The following ANAPC16 variants were observed in gnomAD, a reference collection of about 807,000 sequenced individuals.
ANAPC16 encodes anaphase promoting complex subunit 16, also known as anaphase-promoting complex subunit 16.
In ANAPC16, 6 loss-of-function variants were observed where a neutral mutation model predicts 13.1. The observed-to-expected ratio is 0.46, with a 90% confidence interval of 0.25 to 0.90. ANAPC16 has a LOEUF of 0.90. Ranked by LOEUF, ANAPC16 falls within the 40% of genes least tolerant of loss-of-function variation. The pLI is 0.18. For synonymous variants in ANAPC16, 55 were observed against 51.3 expected (o/e 1.07, Z -0.31); for missense variants, 113 against 131.1 (o/e 0.86, Z 0.67).
At chr10:72,227,074 C>A (rs1253292595) in intron 2 of ANAPC16, among the ~76,000 whole-genome samples, 5 of 151,982 alleles carry the variant, frequency 3.3e-5, no homozygotes, top group Admixed American at 6.6e-5. Context: ...CAAAACAAAT[C>A]AAAAATGGGA....
At chr10:72,217,019 G>A (rs1564786624) in intron 1 of ANAPC16, 1 of 454,668 alleles carries the variant, frequency 2.2e-6, no homozygotes, top group Non-Finnish European at 4.4e-6. Flanking sequence ...CCTTTGCTGA[G>A]CTGCTCGCCC....
chr10:72,218,430 C>T (rs982990550), intron 1 of ANAPC16, among the ~76,000 whole-genome samples: 1 of 151,674 alleles, frequency 6.6e-6, no homozygotes, highest in Non-Finnish European at 1.5e-5. Flanking sequence ...TGCTGCTTTA[C>T]GTTGCACATG....
intron 1 of ANAPC16, chr10:72,220,416 C>G (rs142660029): frequency 6.6e-6 from 1 of 151,426 alleles, no homozygotes; most frequent in East Asian, 1.9e-4. Context: ...TTTGGGAGGC[C>G]AGGGTGGGAG....
intron 2 of ANAPC16, among the ~76,000 whole-genome samples, chr10:72,225,774 T>C (rs1860101160): frequency 6.6e-6 from 1 of 151,516 alleles, no homozygotes; most frequent in African/African-American, 2.4e-5. Context: ...TGGTGGCGCA[T>C]GCCTGTAGTC....
At position 72,233,055 on chromosome 10, in the gene ANAPC16, C is replaced by A. The variant is rs747296126; in HGVS notation, c.272C>A (p.Ala91Asp). The A allele has an allele frequency of 6.2e-7, 1 of 1,614,100 alleles. No individual in the cohort carries two copies. ...GCTGGTTTGGTAGAAGAGCTGGAGG[C>A]TGACGAGTGGCGGTTTAAGCCCATC... Reference protein sequence around the residue: ...KLAGLVEELEADEWRFKPIEQ... With the variant: ...KLAGLVEELEDDEWRFKPIEQ... Residue 91 changes from alanine (A) to aspartate (D), a missense_variant, in exon 4 of 4, where the codon GCT becomes GAT. Transcript: ENST00000299381.
intron 1 of ANAPC16, chr10:72,216,787 C>T (rs1226284526): frequency 1.1e-5 from 5 of 456,012 alleles, no homozygotes; most frequent in African/African-American, 2.0e-5. Context: ...TCGTTACTCT[C>T]CTGTGAGGAT....
chr10:72,226,862 A>G (rs1360956060), intron 2 of ANAPC16, among the ~76,000 whole-genome samples: 3 of 152,166 alleles, frequency 2.0e-5, no homozygotes, highest in Non-Finnish European at 4.4e-5. Flanking sequence ...ATGACCAGGT[A>G]GCATATGTAA....
At chr10:72,220,851 A>G (rs1859903759) in intron 1 of ANAPC16, 1 of 127,858 alleles carries the variant, frequency 7.8e-6, no homozygotes, top group African/African-American at 3.7e-5. Context: ...GACTGGCCAG[A>G]AAAAAAAAAA....
chr10:72,218,833 G>T (rs1052606003), intron 1 of ANAPC16, among the ~76,000 whole-genome samples: 4 of 152,206 alleles, frequency 2.6e-5, no homozygotes, highest in African/African-American at 7.2e-5. Context: ...CTTATTTAAA[G>T]TTAGCTTTAT....
Position 72,216,063 on chromosome 10 carries a change from C to G in ANAPC16, c.-103C>G, listed in dbSNP as rs765798995. The stretch of plus-strand genomic sequence containing the variant: ...TGTTGGGGGGCGAACACGCCGCGGT[C>G]CTCGTCGTGGTGAGCGCAGCCACTC... On this transcript the variant is annotated 5_prime_UTR_variant, in exon 1 of 4. Coordinates refer to ENST00000299381, the MANE Select transcript of ANAPC16 (RefSeq NM_173473.4). 2 of 152,344 alleles carry G rather than the reference C, an allele frequency of 1.3e-5. No homozygotes were observed. Among genetic ancestry groups the G allele is most frequent in the African/African-American group, 2.4e-5 (1 of 41,460 alleles). The allele number at this position is 152,344 out of a possible 1,614,324, so 9.4% of individuals were successfully genotyped here. A position where few individuals can be genotyped will look rare whatever the true frequency, so the allele number is the denominator to read the frequency against.
chr10:72,223,766 C>A (rs11000226), intron 1 of ANAPC16, 122 bp from the exon 2 acceptor site: 1 of 696,220 alleles, frequency 1.4e-6, no homozygotes, highest in Non-Finnish European at 2.2e-6. Context: ...AAGTAGAGAG[C>A]ATAGAAAAAA....
chr10:72,232,186 CAAAAAAAAAAAAAA>C (rs1194817055), intron 3 of ANAPC16, among the ~76,000 whole-genome samples: 1 of 43,920 alleles, frequency 2.3e-5, no homozygotes, highest in East Asian at 7.9e-4. Context: ...AACTCTGTCT[CAAAAAAAAAAAAAA>C]AAAAAAAAAA....
intron 2 of ANAPC16, among the ~76,000 whole-genome samples, chr10:72,227,261 T>TA (rs1365928814): frequency 6.6e-6 from 1 of 152,224 alleles, no homozygotes; most frequent in Admixed American, 6.5e-5. Flanking sequence ...TATGTGGAGA[T>TA]ATTGAAGAAG....
chr10:72,229,436 A>G (rs2133689317), intron 2 of ANAPC16, among the ~76,000 whole-genome samples: 1 of 152,136 alleles, frequency 6.6e-6, no homozygotes, highest in African/African-American at 2.4e-5. Context: ...TACCTGGCCA[A>G]CACAACAACC....
At chr10:72,218,080 G>A (rs1462118504) in intron 1 of ANAPC16, among the ~76,000 whole-genome samples, 1 of 146,668 alleles carries the variant, frequency 6.8e-6, no homozygotes, top group Admixed American at 6.9e-5. Flanking sequence ...GGGAGGCGGA[G>A]GTTGCAGTGA....
In ANAPC16 at chr10:72,216,773, A is replaced by G. The variant is rs1284287847; in HGVS notation, c.-28+635A>G. 6.6e-6 allele frequency: 3 copies of G among 455,522 alleles called. No homozygotes were observed. The Admixed American group carries it at 7.1e-5, about 11-fold the overall frequency. The allele number at this position is 455,522 out of a possible 1,614,324, so 28.2% of individuals were successfully genotyped here. On this transcript the variant is annotated intron_variant, in intron 1 of 3. Coordinates refer to ENST00000299381, the MANE Select transcript of ANAPC16 (RefSeq NM_173473.4). Reference sequence around the variant, plus strand: ...CGGACACAGCAATCTGTGTCCACAAAGCATCGTTACTCTCCTGTGAGGATC... The same window carrying G: ...CGGACACAGCAATCTGTGTCCACAAGGCATCGTTACTCTCCTGTGAGGATC...
intron 2 of ANAPC16, among the ~76,000 whole-genome samples, chr10:72,227,514 A>G (rs947454636): frequency 6.6e-6 from 1 of 152,190 alleles, no homozygotes; most frequent in Non-Finnish European, 1.5e-5. Flanking sequence ...TCTTAAGAAT[A>G]TAAAGAGTAT....
intron 3 of ANAPC16, among the ~76,000 whole-genome samples, chr10:72,231,457 G>A (rs147517707): frequency 5.3e-5 from 8 of 151,970 alleles, no homozygotes; most frequent in South Asian, 2.1e-4. Context: ...TGGGACGATC[G>A]CTTCAGCCCA....
rs1456379019 is a variant in ANAPC16 at position 72,234,003 on chromosome 10, A to G, written c.*887A>G. ...ACATAAATTTATCTTAATGATATTT[A>G]AGTAGTTTTTTTTTTTTTTTGAGAC... On this transcript the variant is annotated 3_prime_UTR_variant, in exon 4 of 4. Coordinates refer to ENST00000299381, the MANE Select transcript of ANAPC16 (RefSeq NM_173473.4). 1 of 150,224 alleles carries G rather than the reference A, an allele frequency of 6.7e-6. No homozygotes were observed. Among genetic ancestry groups the G allele is most frequent in the Non-Finnish European group, 1.5e-5 (1 of 67,958 alleles). The allele number at this position is 150,224 out of a possible 1,614,324, so 9.3% of individuals were successfully genotyped here. A position where few individuals can be genotyped will look rare whatever the true frequency, so the allele number is the denominator to read the frequency against.
Sources: gnomAD v4.1 joint callset for allele counts (sites outside exome capture counted in the v4.1 genomes callset) on GRCh38, gnomAD v4.1.1 for gene constraint, MANE v1.5 for transcripts, NCBI Gene and HGNC (gene_info 2026-07-23, HGNC 2026-07-21) for gene names.